VAV3: variants seen among roughly 807,000 people sequenced by gnomAD.
VAV3 encodes the protein guanine nucleotide exchange factor VAV3.
VAV3 carries 94 observed loss-of-function variants against 131.2 expected under a neutral mutation model. The observed-to-expected ratio is 0.72, with a 90% CI of 0.61 to 0.85. The LOEUF (loss-of-function observed/expected upper bound fraction) is 0.85, where lower values mean the gene tolerates loss of function less well. VAV3 is among the 40% of genes least tolerant of loss of function. The pLI is 0.00. For synonymous variants in VAV3, 349 were observed against 342.0 expected (o/e 1.02, Z -0.22); for missense variants, 939 against 1,002.7 (o/e 0.94, Z 0.86).
chr1:107,749,654 T>C (rs1663584497), intron 13 of VAV3, 60 bp from the exon 14 acceptor site: 1 of 1,565,708 alleles, frequency 6.4e-7, no homozygotes, highest in East Asian at 2.3e-5. Flanking sequence ...GTTATTAATT[T>C]TTTTGGGTAT....
At chr1:107,821,876 T>C (rs1337368000) in intron 2 of VAV3, among the ~76,000 whole-genome samples, 1 of 152,200 alleles carries the variant, frequency 6.6e-6, no homozygotes, top group African/African-American at 2.4e-5. Context: ...AAGAAAGTGA[T>C]TTATTCCAAA....
chr1:107,626,884 A>C (rs4353122), intron 20 of VAV3, among the ~76,000 whole-genome samples: 150,495 of 152,302 alleles, frequency 0.99, 74,372 homozygotes, highest in Middle Eastern at 1. Context: ...TTCTTCTTTG[A>C]CTCTGATGAT....
intron 2 of VAV3, among the ~76,000 whole-genome samples, chr1:107,829,275 T>C (rs553656161): frequency 4.6e-5 from 7 of 152,322 alleles, no homozygotes; most frequent in Admixed American, 2.0e-4. Flanking sequence ...ACTCACTGTA[T>C]GATATTGTTA....
intron 26 of VAV3, 122 bp from the exon 27 acceptor site, chr1:107,573,494 T>C (rs879339594): frequency 3.5e-5 from 40 of 1,153,342 alleles, no homozygotes; most frequent in Non-Finnish European, 4.0e-5. Flanking sequence ...ATGTCCATTG[T>C]AGGTGAGAAG....
At chr1:107,598,543 C>T (rs1003212615) in intron 24 of VAV3, among the ~76,000 whole-genome samples, 3 of 152,086 alleles carry the variant, frequency 2.0e-5, no homozygotes, top group African/African-American at 7.2e-5. Flanking sequence ...CTTCCTTGGG[C>T]CCAGATAATG....
chr1:107,709,114 C>T (rs998196769), intron 15 of VAV3, among the ~76,000 whole-genome samples: 2 of 152,228 alleles, frequency 1.3e-5, no homozygotes, highest in Admixed American at 1.3e-4. Flanking sequence ...CTTTATGTAA[C>T]ATCTGATGCC....
At chr1:107,772,957 G>A in intron 4 of VAV3, 114 bp from the exon 5 acceptor site, 1 of 860,140 alleles carries the variant, frequency 1.2e-6, no homozygotes, top group Non-Finnish European at 1.8e-6. Context: ...AATGGAATTA[G>A]TGGAAAGAGT....
chr1:107,911,381 A>G (rs887712632), intron 1 of VAV3, among the ~76,000 whole-genome samples: 4 of 152,214 alleles, frequency 2.6e-5, no homozygotes, highest in Non-Finnish European at 2.9e-5. Context: ...AACACAGGAG[A>G]AAAATTCAAA....
At chr1:107,799,958 T>C (rs944751007) in intron 2 of VAV3, among the ~76,000 whole-genome samples, 1 of 152,206 alleles carries the variant, frequency 6.6e-6, no homozygotes, top group African/African-American at 2.4e-5. Flanking sequence ...TGATTTTCTG[T>C]GCTTGGCTCA....
At chr1:107,922,295 G>C (rs77293732) in intron 1 of VAV3, among the ~76,000 whole-genome samples, 3 of 151,902 alleles carry the variant, frequency 2.0e-5, no homozygotes, top group African/African-American at 7.3e-5. Flanking sequence ...CTTGTTTTGT[G>C]TCAGTATCCA....
intron 2 of VAV3, among the ~76,000 whole-genome samples, chr1:107,793,211 T>C (rs1038792520): frequency 6.6e-6 from 1 of 152,104 alleles, no homozygotes; most frequent in Admixed American, 6.6e-5. Context: ...TTGCCCATGG[T>C]CACTGAGGCA....
At position 107,766,456 on chromosome 1, in the gene VAV3, T is replaced by C; in HGVS notation, c.812A>G (p.Tyr271Cys). The C allele has an allele frequency of 1.2e-6, 2 of 1,608,062 alleles. No individual in the cohort carries two copies. Among genetic ancestry groups the C allele is most frequent in the Non-Finnish European group, 1.7e-6 (2 of 1,175,334 alleles). ...DQNLYQVFIN[Y>C]KERLVIYGQY... is the part of the protein sequence containing the mutation. ...AAACTTCAAAAGTTACCTTTCCTTG[T>C]AGTTAATAAAAACTTGGTACAAGTT... The change falls in exon 8 of 27, where the codon TAC (tyrosine) becomes TGC (cysteine). Residue 271 changes from tyrosine (Y) to cysteine (C), a missense_variant. By Grantham distance (194) the Tyr-to-Cys change is radical. Coordinates refer to ENST00000370056, the MANE Select transcript of VAV3 (RefSeq NM_006113.5).
intron 12 of VAV3, 103 bp downstream of exon 12, chr1:107,755,324 A>C: frequency 1.1e-6 from 1 of 892,920 alleles, no homozygotes; most frequent in East Asian, 2.7e-5. Flanking sequence ...ACAACCTCCA[A>C]CAGTAGAAAC....
chr1:107,816,839 T>G (rs1039974281), intron 2 of VAV3, among the ~76,000 whole-genome samples: 4 of 152,244 alleles, frequency 2.6e-5, no homozygotes, highest in African/African-American at 7.2e-5. Context: ...ACAGAGAGGT[T>G]CAGGGATGGT....
intron 15 of VAV3, among the ~76,000 whole-genome samples, chr1:107,733,296 A>G (rs1570853011): frequency 1.3e-5 from 2 of 152,378 alleles, no homozygotes; most frequent in East Asian, 3.9e-4. Flanking sequence ...CCAGAGCAGT[A>G]AAGCTGAAAA....
chr1:107,892,406 C>T (rs910365813), intron 1 of VAV3, among the ~76,000 whole-genome samples: 5 of 152,138 alleles, frequency 3.3e-5, no homozygotes, highest in African/African-American at 4.8e-5. Flanking sequence ...CAGGCCTTTT[C>T]CCAAGGAGTT....
chr1:107,590,552 C>G (rs993995894), intron 25 of VAV3, among the ~76,000 whole-genome samples: 2 of 152,180 alleles, frequency 1.3e-5, no homozygotes, highest in African/African-American at 4.8e-5. Context: ...AGACCACTCT[C>G]CTCAGTGCCA....
Position 107,716,250 on chromosome 1 carries a change from C to A in VAV3, c.1503-11189G>T, listed in dbSNP as rs190480229. 2.8e-3 allele frequency among the ~76,000 whole-genome samples: 433 copies of A among 152,196 alleles called. 1 individual carries two copies. The highest frequency in any genetic ancestry group is 4.7e-3 in the Non-Finnish European group (321 of 68,006). On this transcript the variant is annotated intron_variant, in intron 15 of 26. Coordinates refer to ENST00000370056, the MANE Select transcript of VAV3 (RefSeq NM_006113.5). Reference sequence around the variant, plus strand: ...ACTCTTCAGAAAAAGAACTTTAAAACGTTAAATGTGTTTATTAAAGAAAAA... The same window carrying A: ...ACTCTTCAGAAAAAGAACTTTAAAAAGTTAAATGTGTTTATTAAAGAAAAA...
At chr1:107,718,187 C>G (rs955205050) in intron 15 of VAV3, among the ~76,000 whole-genome samples, 24 of 152,040 alleles carry the variant, frequency 1.6e-4, no homozygotes, top group African/African-American at 4.8e-4. Flanking sequence ...ATTCAACATA[C>G]TGTTGGAAGT....
Sources: gnomAD v4.1 joint callset for allele counts (sites outside exome capture counted in the v4.1 genomes callset) on GRCh38, gnomAD v4.1.1 for gene constraint, MANE v1.5 for transcripts, NCBI Gene and HGNC (gene_info 2026-07-23, HGNC 2026-07-21) for gene names.